Variants in ADAMTS19 observed in about 807,000 individuals in gnomAD.
The protein encoded by ADAMTS19 is A disintegrin and metalloproteinase with thrombospondin motifs 19.
In ADAMTS19, 93 loss-of-function variants were observed where a neutral mutation model predicts 153.3. That is an observed-to-expected ratio of 0.61 (90% CI 0.51 to 0.72). The LOEUF is 0.72. Among genes scored for constraint, ADAMTS19 ranks in the 30% least tolerant of loss-of-function variants. The pLI is 0.00. For missense variants in ADAMTS19, 1,482 were observed against 1,552.1 expected (o/e 0.95, Z 0.76); for synonymous variants, 600 against 556.6 (o/e 1.08, Z -1.10).
chr5:129,591,699 A>C (rs1473454522), intron 7 of ADAMTS19, among the ~76,000 whole-genome samples: 1 of 152,142 alleles, frequency 6.6e-6, no homozygotes, highest in Non-Finnish European at 1.5e-5. Context: ...GACTCATAGT[A>C]AGACTCACAG....
At chr5:129,583,385 G>T (rs1399536376) in intron 7 of ADAMTS19, among the ~76,000 whole-genome samples, 2 of 152,020 alleles carry the variant, frequency 1.3e-5, no homozygotes, top group Admixed American at 6.6e-5. Flanking sequence ...ACGATTATGT[G>T]TCTTGGGGTT....
chr5:129,582,952 A>T (rs1159346101), intron 7 of ADAMTS19, among the ~76,000 whole-genome samples: 1 of 152,110 alleles, frequency 6.6e-6, no homozygotes, highest in Admixed American at 6.5e-5. Context: ...TCCTATCATT[A>T]TGATGCTAGT....
At chr5:129,700,891 TTG>T (rs1313733833) in intron 19 of ADAMTS19, among the ~76,000 whole-genome samples, 1 of 151,548 alleles carries the variant, frequency 6.6e-6, no homozygotes, top group Non-Finnish European at 1.5e-5. Context: ...CAGAAAACTA[TTG>T]TGTTTGGTTA....
intron 6 of ADAMTS19, among the ~76,000 whole-genome samples, chr5:129,538,276 T>G (rs1039080044): frequency 6.6e-6 from 1 of 152,140 alleles, no homozygotes; most frequent in Non-Finnish European, 1.5e-5. Flanking sequence ...CATTTTAAAG[T>G]ATATTTCATC....
chr5:129,669,613 A>G (rs1200984934), intron 16 of ADAMTS19, among the ~76,000 whole-genome samples: 1 of 151,862 alleles, frequency 6.6e-6, no homozygotes, highest in East Asian at 1.9e-4. Flanking sequence ...CATTTCACTT[A>G]TCTCTAATCT....
intron 7 of ADAMTS19, among the ~76,000 whole-genome samples, chr5:129,588,493 A>G (rs181188350): frequency 2.2e-4 from 33 of 152,210 alleles, no homozygotes; most frequent in Non-Finnish European, 3.7e-4. Flanking sequence ...GATTCTCTGT[A>G]TCTTTACTTT....
At chr5:129,708,406 T>C (rs1246099110) in intron 21 of ADAMTS19, among the ~76,000 whole-genome samples, 1 of 152,042 alleles carries the variant, frequency 6.6e-6, no homozygotes, top group Non-Finnish European at 1.5e-5. Flanking sequence ...ACACATTTCC[T>C]GCCAACTTAA....
chr5:129,640,454 G>A (rs907484603), intron 10 of ADAMTS19, among the ~76,000 whole-genome samples: 1 of 152,078 alleles, frequency 6.6e-6, no homozygotes, highest in Non-Finnish European at 1.5e-5. Flanking sequence ...ATAGATTTGG[G>A]TCATAAGTTG....
intron 15 of ADAMTS19, among the ~76,000 whole-genome samples, chr5:129,662,699 G>A (rs1000598056): frequency 2.0e-5 from 3 of 151,784 alleles, no homozygotes; most frequent in Non-Finnish European, 4.4e-5. Context: ...TCATTTGCTC[G>A]GAGATTAACA....
chr5:129,492,956 CTTT>C (rs1402149223), intron 2 of ADAMTS19, among the ~76,000 whole-genome samples: 1 of 152,138 alleles, frequency 6.6e-6, no homozygotes, highest in Non-Finnish European at 1.5e-5. Flanking sequence ...TTATGTGCTT[CTTT>C]AAGAAGAACT....
intron 6 of ADAMTS19, among the ~76,000 whole-genome samples, chr5:129,551,082 A>G (rs1416036100): frequency 1.3e-5 from 2 of 151,736 alleles, no homozygotes; most frequent in African/African-American, 4.8e-5. Flanking sequence ...CCTAGGTGGT[A>G]GATATTATTA....
intron 7 of ADAMTS19, among the ~76,000 whole-genome samples, chr5:129,595,466 T>C (rs1348624152): frequency 2.0e-5 from 3 of 152,108 alleles, no homozygotes; most frequent in Admixed American, 1.3e-4. Context: ...ATTTAAATTA[T>C]TTCTTACCAT....
rs1561580856 is a variant in ADAMTS19 at position 129,578,087 on chromosome 5, CATAT to C, written c.1373-18470_1373-18467del. ...ACACACACACACACACACATATATA[CATAT>C]ACATACATATACATATGCATGTATA... On this transcript the variant is annotated intron_variant, in intron 7 of 22. Coordinates refer to ENST00000274487, the MANE Select transcript of ADAMTS19 (RefSeq NM_133638.6). 8.1e-3 allele frequency among the ~76,000 whole-genome samples: 315 copies of C among 38,792 alleles called. 10 individuals are homozygous for C. Among genetic ancestry groups the C allele is most frequent in the South Asian group, 0.034 (32 of 938 alleles). The allele number at this position is 38,792 out of a possible 152,430, so 25.4% of individuals were successfully genotyped here. A position where few individuals can be genotyped will look rare whatever the true frequency, so the allele number is the denominator to read the frequency against.
chr5:129,507,094 C>T lies in ADAMTS19; in HGVS notation c.748-1983C>T, dbSNP rs114905622. ...TAAGGTTTATTGTTATAAACCTAAC[C>T]ATGTTTATAACCTGGTTGAAAGGAT... On this transcript the variant is annotated intron_variant, in intron 2 of 22. Transcript: ENST00000274487. Among the ~76,000 whole-genome samples, 437 of 151,828 alleles carry T rather than the reference C, an allele frequency of 2.9e-3. 4 individuals are homozygous for T. The highest frequency in any genetic ancestry group is 9.9e-3 in the African/African-American group (411 of 41,454).
intron 6 of ADAMTS19, among the ~76,000 whole-genome samples, chr5:129,550,901 T>C (rs938153596): frequency 6.6e-5 from 10 of 151,786 alleles, no homozygotes; most frequent in African/African-American, 2.2e-4. Context: ...GATACACTAA[T>C]AGCAGCAATA....
chr5:129,694,917 C>G lies in ADAMTS19; in HGVS notation c.2954+62C>G. The G allele has an allele frequency of 2.9e-6, 4 of 1,377,570 alleles. 1 individual carries two copies. The South Asian group carries it at 7.2e-5, about 25-fold the overall frequency. The allele number at this position is 1,377,570 out of a possible 1,614,324, so 85.3% of individuals were successfully genotyped here. Reference sequence around the variant, plus strand: ...TCCATTAGATTGCTGTCCTTTAAAACATGCTCAGAATATCATTGAAATCAC... The same window carrying G: ...TCCATTAGATTGCTGTCCTTTAAAAGATGCTCAGAATATCATTGAAATCAC... On this transcript the variant is annotated intron_variant, in intron 19 of 22. Coordinates refer to ENST00000274487, the MANE Select transcript of ADAMTS19 (RefSeq NM_133638.6).
chr5:129,519,946 A>G (rs934807600), intron 3 of ADAMTS19, among the ~76,000 whole-genome samples: 4 of 152,078 alleles, frequency 2.6e-5, no homozygotes, highest in Non-Finnish European at 5.9e-5. Context: ...TGAATATGGT[A>G]AGTAGATTAA....
chr5:129,490,679 C>G (rs1426801933), intron 2 of ADAMTS19, among the ~76,000 whole-genome samples: 1 of 152,060 alleles, frequency 6.6e-6, no homozygotes, highest in African/African-American at 2.4e-5. Context: ...ACAAGAGACC[C>G]TAAGTCTTCA....
At chr5:129,518,315 G>A (rs1379821963) in intron 3 of ADAMTS19, among the ~76,000 whole-genome samples, 1 of 151,998 alleles carries the variant, frequency 6.6e-6, no homozygotes, top group Non-Finnish European at 1.5e-5. Flanking sequence ...AGATGATTAT[G>A]TATTACTCAT....
Sources: allele counts gnomAD v4.1 joint callset (sites outside exome capture counted in the v4.1 genomes callset), GRCh38; gene constraint gnomAD v4.1.1; transcripts MANE v1.5; gene names NCBI Gene and HGNC (gene_info 2026-07-23, HGNC 2026-07-21).